SYMPK: variants seen among roughly 807,000 people sequenced by gnomAD.
SYMPK encodes symplekin.
In SYMPK, 49 loss-of-function variants were observed where a neutral mutation model predicts 136.4. The observed-to-expected ratio is 0.36, with a 90% CI of 0.29 to 0.46. The LOEUF is 0.46. Ranked by LOEUF, SYMPK falls within the 20% of genes least tolerant of loss-of-function variation. The pLI is 1.00. For synonymous variants in SYMPK, 766 were observed against 713.0 expected, an observed-to-expected ratio of 1.07 and a Z score of -1.19; for missense variants, 1,365 against 1,690.0, an observed-to-expected ratio of 0.81 and a Z score of 3.37.
In SYMPK at chr19:45,826,313, A is replaced by G; in HGVS notation, c.2242T>C (p.Tyr748His). ...RMYEKEQLRE[Y>H]VEKFALNYLQ... ...TAGTTGAGGGCAAATTTCTCCACAT[A>G]CTCCCGCAGCTGCTCCTTCTCATAC... Residue 748 changes from tyrosine to histidine, a missense_variant, in exon 17 of 27, where the codon TAT (tyrosine) becomes CAT (histidine). This residue lies in a region of SYMPK where 303 missense variants were observed against 326.6 expected (regional missense o/e 0.93). Coordinates refer to ENST00000245934, the MANE Select transcript of SYMPK (RefSeq NM_004819.3). 1 of 1,613,366 alleles carries G rather than the reference A, an allele frequency of 6.2e-7. No homozygotes were observed. The highest frequency in any genetic ancestry group is 8.5e-7 in the Non-Finnish European group (1 of 1,179,906).
chr19:45,851,275 C>T (rs955316443), intron 5 of SYMPK, among the ~76,000 whole-genome samples: 7 of 152,156 alleles, frequency 4.6e-5, no homozygotes, highest in Non-Finnish European at 8.8e-5. Context: ...CACTTGTTCA[C>T]TTTAAAATAG....
intron 10 of SYMPK, 58 bp from the exon 11 acceptor site, chr19:45,835,286 T>C: frequency 6.7e-7 from 1 of 1,497,246 alleles, no homozygotes. Context: ...AAGCATTCTT[T>C]CCATGCCCAT....
At chr19:45,829,697 C>T (rs561173553) in intron 13 of SYMPK, among the ~76,000 whole-genome samples, 1 of 152,194 alleles carries the variant, frequency 6.6e-6, no homozygotes, top group Non-Finnish European at 1.5e-5. Flanking sequence ...GTGGCAGAAT[C>T]AGGACAGAGA....
intron 23 of SYMPK, among the ~76,000 whole-genome samples, chr19:45,817,415 CTCTTTTTTTT>C (rs1374429199): frequency 3.3e-4 from 33 of 100,194 alleles, no homozygotes; most frequent in Admixed American, 1.3e-3. Flanking sequence ...TTTTTTTGTT[CTCTTTTTTTT>C]TTTTTTTTTT....
At position 45,831,306 on chromosome 19, in the gene SYMPK, C is replaced by T. The variant is rs544924316; in HGVS notation, c.1598+78G>A. 56 of 1,235,878 alleles carry T rather than the reference C, an allele frequency of 4.5e-5. No homozygotes were observed. In the Admixed American group the frequency reaches 9.3e-4, roughly 20 times the overall value. 76.6% of individuals were successfully genotyped at this position (1,235,878 alleles called of 1,614,324 possible). On this transcript the variant is annotated intron_variant, in intron 12 of 26. Coordinates refer to ENST00000245934, the MANE Select transcript of SYMPK (RefSeq NM_004819.3). ...TTACACACACACACGCACACGCACA[C>T]GCACACGCACACGAGCTGAGAACCA...
At position 45,821,435 on chromosome 19, in the gene SYMPK, C is replaced by T. The variant is rs761317595; in HGVS notation, c.2842G>A (p.Ala948Thr). The change falls in exon 22 of 27, where the codon GCA becomes ACA. Residue 948 changes from alanine (A) to threonine (T), a missense_variant. Ala to Thr is a moderately conservative substitution (Grantham distance 58, BLOSUM62 0). Coordinates refer to ENST00000245934, the MANE Select transcript of SYMPK (RefSeq NM_004819.3). This position sits in a 1 kb window ranked among gnomAD's most constrained non-coding sequence, Gnocchi z 4.4. ...TTCACGGAGTCAATGTTGTGTAATG[C>T]GATCAGGAGCTCTCCAGGGTTCAGC... is the stretch of plus-strand genomic sequence containing the variant. Reference protein sequence around the residue: ...SPLNPGELLIALHNIDSVKCD... With the variant: ...SPLNPGELLITLHNIDSVKCD... 6.2e-6 allele frequency: 10 copies of T among 1,613,878 alleles called. No individual in the cohort carries two copies. Among genetic ancestry groups the T allele is most frequent in the South Asian group, 4.4e-5 (4 of 91,082 alleles).
chr19:45,852,623 G>A, intron 3 of SYMPK, 88 bp from the exon 4 acceptor site: 2 of 1,488,908 alleles, frequency 1.3e-6, no homozygotes, highest in Non-Finnish European at 1.9e-6. Flanking sequence ...GGGGAAGACA[G>A]CAGAGGGCTA....
intron 25 of SYMPK, 21 bp downstream of exon 25, chr19:45,816,461 G>T: frequency 6.2e-7 from 1 of 1,604,734 alleles, no homozygotes; most frequent in Non-Finnish European, 8.5e-7. Context: ...GATCCAGATG[G>T]GTGGGCTGCA....
chr19:45,851,568 A>G (rs976551723), intron 5 of SYMPK, among the ~76,000 whole-genome samples: 1 of 138,946 alleles, frequency 7.2e-6, no homozygotes, highest in African/African-American at 2.7e-5. Flanking sequence ...ACAGAGCAAA[A>G]CTCAGTCTCA....
Position 45,823,465 on chromosome 19 carries a change from G to A in SYMPK, c.2607C>T (p.Pro869=), listed in dbSNP as rs754319390. 21 of 1,613,750 alleles carry A rather than the reference G, an allele frequency of 1.3e-5. No homozygotes were observed. The South Asian group carries it at 1.8e-4, about 13-fold the overall frequency. ...CLHSLTDKVP[P]SPELVKRVRD... Reference sequence around the variant, plus strand: ...GGACCCGCTTCACCAGCTCTGGGGAGGGTGGGACTGCATGGAAGCAGCAGG... The same window carrying A: ...GGACCCGCTTCACCAGCTCTGGGGAAGGTGGGACTGCATGGAAGCAGCAGG... The change falls in exon 20 of 27, where the codon CCC becomes CCT. Residue 869 remains proline (P), a synonymous_variant. Coordinates refer to ENST00000245934, the MANE Select transcript of SYMPK (RefSeq NM_004819.3).
intron 1 of SYMPK, chr19:45,862,642 A>C (rs1235933418): frequency 6.1e-6 from 1 of 163,306 alleles, no homozygotes; most frequent in African/African-American, 2.4e-5. Flanking sequence ...GGCTTCGCAG[A>C]GGAAGTGACG....
chr19:45,815,778 G>A, intron 26 of SYMPK, 73 bp downstream of exon 26: 2 of 1,584,020 alleles, frequency 1.3e-6, no homozygotes, highest in Admixed American at 1.8e-5. Flanking sequence ...GCCCCCTGAT[G>A]GCCCCTCCTC....
chr19:45,842,648 T>C, intron 8 of SYMPK, 159 bp from the exon 9 acceptor site: 4 of 967,786 alleles, frequency 4.1e-6, no homozygotes, highest in Non-Finnish European at 6.0e-6. Context: ...CCTTACAAGC[T>C]GATGCTTCAA....
Position 45,821,336 on chromosome 19 carries a change from C to T in SYMPK, c.2893+48G>A. ...GCATGTGGGTGACTGAGGTCCTGCC[C>T]TGGCGTCGCAGGGGCCAGGCCACTG... On this transcript the variant is annotated intron_variant, in intron 22 of 26. Coordinates refer to ENST00000245934, the MANE Select transcript of SYMPK (RefSeq NM_004819.3). The surrounding 1 kb of genome is among the most constrained non-coding windows in gnomAD (Gnocchi z 4.4). The T allele has an allele frequency of 6.9e-7, 1 of 1,440,000 alleles. No individual in the cohort carries two copies. The highest frequency in any genetic ancestry group is 9.8e-7 in the Non-Finnish European group (1 of 1,023,440). 89.2% of individuals were successfully genotyped at this position (1,440,000 alleles called of 1,614,324 possible).
chr19:45,825,106 A>G (rs1971008778), intron 18 of SYMPK, 65 bp downstream of exon 18: 3 of 1,563,416 alleles, frequency 1.9e-6, no homozygotes. Context: ...GTTGGGGAAG[A>G]GCTGGAGCTG....
chr19:45,832,068 C>T (rs1971190349), intron 11 of SYMPK, among the ~76,000 whole-genome samples: 1 of 152,208 alleles, frequency 6.6e-6, no homozygotes, highest in Non-Finnish European at 1.5e-5. Flanking sequence ...GTCTTGAACT[C>T]CTGGGCTCAA....
In SYMPK at chr19:45,815,508, C is replaced by T; in HGVS notation, c.*52G>A. The T allele has an allele frequency of 9.7e-7, 1 of 1,036,026 alleles. No homozygotes were observed. The highest frequency in any genetic ancestry group is 1.3e-6 in the Non-Finnish European group (1 of 751,852). 64.2% of individuals were successfully genotyped at this position (1,036,026 alleles called of 1,614,324 possible). A position where few individuals can be genotyped will look rare whatever the true frequency, so the allele number is the denominator to read the frequency against. ...AAGCACCCGCAGGTCAAGCCCCGCC[C>T]CGTCCCCCAGCCCCGAGTCCCTGTC... On this transcript the variant is annotated 3_prime_UTR_variant, in exon 27 of 27. Transcript: ENST00000245934.
At chr19:45,829,340 G>A (rs1032243617) in intron 13 of SYMPK, 135 bp from the exon 14 acceptor site, 46 of 747,464 alleles carry the variant, frequency 6.2e-5, no homozygotes, top group Non-Finnish European at 9.2e-5. Context: ...AAGGCCAGCC[G>A]AGGACCCTTA....
intron 5 of SYMPK, among the ~76,000 whole-genome samples, chr19:45,850,854 T>G (rs187528559): frequency 6.6e-6 from 1 of 151,604 alleles, no homozygotes; most frequent in African/African-American, 2.4e-5. Context: ...TAAAGAACAG[T>G]GAAGGTGGGG....
Sources: gnomAD v4.1 joint callset for allele counts (sites outside exome capture counted in the v4.1 genomes callset) on GRCh38, gnomAD v4.1.1 for gene constraint, gnomAD v4.1.1 regional missense constraint, Gnocchi (gnomAD v3.1) non-coding constraint, MANE v1.5 for transcripts, NCBI Gene and HGNC (gene_info 2026-07-23, HGNC 2026-07-21) for gene names.